CCDC149: variants seen among roughly 807,000 people sequenced by gnomAD.
The protein encoded by CCDC149 is coiled-coil domain containing 149.
A neutral mutation model predicts 59.9 loss-of-function variants in CCDC149; 45 were observed. That is an observed-to-expected ratio of 0.75 (90% CI 0.59 to 0.96). CCDC149 has a LOEUF of 0.96. Among genes scored for constraint, CCDC149 ranks in the 40% least tolerant of loss-of-function variants. The probability of loss-of-function intolerance (pLI) is 0.00; values close to 1 mark genes in which losing one functional copy is unlikely to be tolerated. For synonymous variants in CCDC149, 245 were observed against 260.6 expected, an observed-to-expected ratio of 0.94 and a Z score of 0.58; for missense variants, 584 against 664.7, an observed-to-expected ratio of 0.88 and a Z score of 1.33.
chr4:24,897,056 A>G lies in CCDC149; in HGVS notation c.63+15761T>C, dbSNP rs182358801. Among the ~76,000 whole-genome samples the G allele has an allele frequency of 3.4e-3, 512 of 152,276 alleles. 3 individuals are homozygous for G. Among genetic ancestry groups the G allele is most frequent in the Non-Finnish European group, 4.7e-3 (320 of 68,032 alleles). On this transcript the variant is annotated intron_variant, in intron 1 of 12. Transcript: ENST00000635206. ...ACTCCAAGCTGCAGGCAAGGCACAA[A>G]CACATGTAAATCCAACCCATGGCGG...
intron 9 of CCDC149, 133 bp from the exon 10 acceptor site, chr4:24,822,706 T>A: frequency 1.8e-6 from 1 of 547,190 alleles, no homozygotes; most frequent in Non-Finnish European, 3.2e-6. Flanking sequence ...TATTTGTATG[T>A]ATGTGTGTGT....
intron 1 of CCDC149, among the ~76,000 whole-genome samples, chr4:24,919,411 G>A (rs368860033): frequency 2.0e-5 from 3 of 152,170 alleles, no homozygotes; most frequent in African/African-American, 4.8e-5. Flanking sequence ...GAAATGAACC[G>A]TAAAACTAGG....
chr4:24,830,270 ATGGAGGACATTTCG>A (rs1212953203), intron 9 of CCDC149: 1 of 152,302 alleles, frequency 6.6e-6, no homozygotes, highest in Non-Finnish European at 1.5e-5. Flanking sequence ...AAGCCAGCTC[ATGGAGGACATTTCG>A]TGCTGCAGGG....
intron 1 of CCDC149, among the ~76,000 whole-genome samples, chr4:24,940,948 G>T (rs1414651969): frequency 6.6e-6 from 1 of 152,124 alleles, no homozygotes; most frequent in Admixed American, 6.6e-5. Flanking sequence ...ATAATAATGG[G>T]AGACTTTAAC....
intron 1 of CCDC149, among the ~76,000 whole-genome samples, chr4:24,949,495 C>G (rs982583179): frequency 5.9e-5 from 9 of 152,014 alleles, no homozygotes; most frequent in Non-Finnish European, 1.0e-4. Flanking sequence ...ATATTGAGCT[C>G]CTATATTTGT....
chr4:24,866,011 A>G (rs1718674117), intron 3 of CCDC149, among the ~76,000 whole-genome samples: 1 of 152,186 alleles, frequency 6.6e-6, no homozygotes, highest in African/African-American at 2.4e-5. Context: ...AAACATCTCA[A>G]AGCACTTGAG....
rs1386771905 is a variant in CCDC149 at position 24,912,889 on chromosome 4, G to A, written c.-10C>T. ...TGGCCTCCTCCTCCATGCGCTGGCC[G>A]GCCTCCTGGACCCCCGCCGCCTCCT... On this transcript the variant is annotated 5_prime_UTR_variant, in exon 1 of 13. Coordinates refer to ENST00000635206, the MANE Select transcript of CCDC149 (RefSeq NM_001330643.2). The A allele has an allele frequency of 3.0e-6, 4 of 1,343,766 alleles. No individual in the cohort carries two copies. The African/African-American group carries it at 4.6e-5, about 16-fold the overall frequency. 83.2% of individuals were successfully genotyped at this position (1,343,766 alleles called of 1,614,324 possible). A position where few individuals can be genotyped will look rare whatever the true frequency, so the allele number is the denominator to read the frequency against.
At chr4:24,813,498 A>ATCTATATCTATC (rs1560197566) in intron 12 of CCDC149, among the ~76,000 whole-genome samples, 1 of 14,490 alleles carries the variant, frequency 6.9e-5, no homozygotes, top group Admixed American at 7.5e-4. Flanking sequence ...GAATATATAT[A>ATCTATATCTATC]TATATATATA....
At chr4:24,893,770 A>C (rs182152287) in intron 1 of CCDC149, among the ~76,000 whole-genome samples, 2 of 151,426 alleles carry the variant, frequency 1.3e-5, no homozygotes, top group East Asian at 3.9e-4. Flanking sequence ...GGCACCCACC[A>C]CCATGCCCAG....
chr4:24,836,290 T>C, intron 7 of CCDC149, 146 bp downstream of exon 7: 2 of 651,342 alleles, frequency 3.1e-6, no homozygotes, highest in Non-Finnish European at 2.8e-6. Context: ...TTTGTACTGG[T>C]TACCCCAGTT....
chr4:24,822,227 A>G (rs1182003175), intron 10 of CCDC149, among the ~76,000 whole-genome samples: 1 of 152,202 alleles, frequency 6.6e-6, no homozygotes, highest in Non-Finnish European at 1.5e-5. Flanking sequence ...AGACACAGTG[A>G]CAATTTCAGA....
At chr4:24,809,917 G>T (rs533743270) in intron 12 of CCDC149, among the ~76,000 whole-genome samples, 10 of 152,226 alleles carry the variant, frequency 6.6e-5, no homozygotes, top group Non-Finnish European at 1.2e-4. Flanking sequence ...GCATCATCTG[G>T]CCATGCCATT....
At chr4:24,905,350 AT>A (rs1358909447) in intron 1 of CCDC149, among the ~76,000 whole-genome samples, 3 of 148,346 alleles carry the variant, frequency 2.0e-5, no homozygotes, top group South Asian at 2.1e-4. Context: ...CAACCTACTC[AT>A]TTTTTTCTTG....
chr4:24,863,717 T>C (rs777680438), intron 3 of CCDC149, among the ~76,000 whole-genome samples: 5 of 152,256 alleles, frequency 3.3e-5, no homozygotes, highest in Non-Finnish European at 7.3e-5. Flanking sequence ...AGCCTAGTCT[T>C]TGCTCATAGG....
At chr4:24,977,879 TC>T (rs1724276462) in intron 1 of CCDC149, among the ~76,000 whole-genome samples, 1 of 152,200 alleles carries the variant, frequency 6.6e-6, no homozygotes, top group African/African-American at 2.4e-5. Context: ...ATGCCTGTAA[TC>T]CCAGCAGTTT....
At chr4:24,917,995 G>C (rs1722182361), upstream of CCDC149, among the ~76,000 whole-genome samples, 1 of 151,938 alleles carries the variant, frequency 6.6e-6, no homozygotes, top group Admixed American at 6.6e-5. Context: ...GGGGTCACTG[G>C]CCTCTCCTGC....
chr4:24,936,122 A>C (rs1722772900), intron 1 of CCDC149, among the ~76,000 whole-genome samples: 1 of 152,200 alleles, frequency 6.6e-6, no homozygotes, highest in Admixed American at 6.5e-5. Context: ...GAGCAAGTTC[A>C]GTGGAGTAGT....
rs1457658155 is a variant in CCDC149 at position 24,912,819 on chromosome 4, C to A, written c.61G>T (p.Glu21Ter). ...CCTGGCCGGCGCCGCGGCCTCACCT[C>A]GCTCACCAGCCCCTGCCAGTCGCTC... The change falls in exon 1 of 13, where the codon GAG becomes TAG. Residue 21 changes from glutamate (E) to a stop codon, truncating the protein, a stop_gained and splice_region_variant. Coordinates refer to ENST00000635206, the MANE Select transcript of CCDC149 (RefSeq NM_001330643.2). LOFTEE classifies it high-confidence loss of function. 4 of 1,348,530 alleles carry A rather than the reference C, an allele frequency of 3.0e-6. No homozygotes were observed. Among genetic ancestry groups the A allele is most frequent in the Non-Finnish European group, 2.9e-6 (3 of 1,035,614 alleles). The allele number at this position is 1,348,530 out of a possible 1,614,324, so 83.5% of individuals were successfully genotyped here.
At chr4:24,898,035 G>T (rs1193287196) in intron 1 of CCDC149, among the ~76,000 whole-genome samples, 1 of 152,122 alleles carries the variant, frequency 6.6e-6, no homozygotes, top group Non-Finnish European at 1.5e-5. Flanking sequence ...TTGGTCGTGG[G>T]GTCTGCAGAT....
Sources: gnomAD v4.1 joint callset for allele counts (sites outside exome capture counted in the v4.1 genomes callset) on GRCh38, gnomAD v4.1.1 for gene constraint, MANE v1.5 for transcripts, NCBI Gene and HGNC (gene_info 2026-07-23, HGNC 2026-07-21) for gene names.